The following CACNG6 variants were observed in gnomAD, a reference collection of about 807,000 sequenced individuals.
CACNG6 encodes voltage-dependent calcium channel gamma-6 subunit.
A neutral mutation model predicts 23.9 loss-of-function variants in CACNG6; 21 were observed. The observed-to-expected ratio is 0.88, with a 90% CI of 0.62 to 1.26. The LOEUF (loss-of-function observed/expected upper bound fraction) is 1.26, where lower values mean the gene tolerates loss of function less well. Ranked by LOEUF, CACNG6 falls within the 50% of genes most tolerant of loss-of-function variation. The pLI is 0.00. For synonymous variants in CACNG6, 182 were observed against 168.9 expected, an observed-to-expected ratio of 1.08 and a Z score of -0.60; for missense variants, 340 against 352.9, an observed-to-expected ratio of 0.96 and a Z score of 0.29.
In CACNG6 at chr19:53,999,714, C is replaced by A. The variant is rs61737876; in HGVS notation, c.487C>A (p.Leu163Ile). Residue 163 changes from leucine (L) to isoleucine (I), a missense_variant, in exon 3 of 4, where the codon CTC becomes ATC. Leu to Ile is a conservative substitution (Grantham distance 5). Coordinates refer to ENST00000252729, the MANE Select transcript of CACNG6 (RefSeq NM_145814.2). ...ALGCLCIIMV[L>I]SKGAEFLLRV... is the part of the protein sequence containing the mutation. ...GGGGTGCCTCTGTATCATCATGGTG[C>A]TCAGTAAAGGTGCAGAGTTCCTGCT... is the stretch of plus-strand genomic sequence containing the variant. 3 of 1,613,984 alleles carry A rather than the reference C, an allele frequency of 1.9e-6. No individual in the cohort carries two copies. The highest frequency in any genetic ancestry group is 1.3e-5 in the African/African-American group (1 of 74,904).
intron 1 of CACNG6, among the ~76,000 whole-genome samples, chr19:53,997,292 T>C (rs1412146716): frequency 6.6e-6 from 1 of 152,220 alleles, no homozygotes; most frequent in African/African-American, 2.4e-5. Flanking sequence ...CTATATGTAC[T>C]GGAGAGATTT....
At chr19:53,994,534 C>T (rs2069501962) in intron 1 of CACNG6, among the ~76,000 whole-genome samples, 1 of 152,128 alleles carries the variant, frequency 6.6e-6, no homozygotes, top group African/African-American at 2.4e-5. Context: ...CTCCACTGAC[C>T]CATGGAAAAT....
At chr19:54,005,269 A>G (rs307968) in intron 3 of CACNG6, among the ~76,000 whole-genome samples, 109,009 of 147,602 alleles carry the variant, frequency 0.74, 40,601 homozygotes, top group East Asian at 0.95. Context: ...AAGAAAGAGC[A>G]CGTGAGAGAA....
intron 3 of CACNG6, among the ~76,000 whole-genome samples, chr19:54,003,351 TTTTA>T (rs1439267705): frequency 6.6e-6 from 1 of 151,890 alleles, no homozygotes; most frequent in African/African-American, 2.4e-5. Context: ...CCGCATGCCT[TTTTA>T]TTTATTTTAT....
intron 3 of CACNG6, among the ~76,000 whole-genome samples, chr19:54,001,641 G>C (rs1216232513): frequency 1.3e-5 from 2 of 152,114 alleles, no homozygotes; most frequent in East Asian, 3.8e-4. Context: ...TCATCGTTCT[G>C]TCCTCAGGGA....
chr19:54,000,861 T>A (rs1017334119), intron 3 of CACNG6, among the ~76,000 whole-genome samples: 1 of 152,178 alleles, frequency 6.6e-6, no homozygotes, highest in Non-Finnish European at 1.5e-5. Context: ...ATTATAGGCA[T>A]GAGCCACCAC....
At chr19:54,009,079 A>G (rs939858113) in intron 3 of CACNG6, among the ~76,000 whole-genome samples, 7 of 152,200 alleles carry the variant, frequency 4.6e-5, no homozygotes, top group African/African-American at 1.7e-4. Context: ...GCTTGAGGTC[A>G]GGAGTTCTAG....
At chr19:53,995,089 T>C (rs1196319521) in intron 1 of CACNG6, among the ~76,000 whole-genome samples, 1 of 149,782 alleles carries the variant, frequency 6.7e-6, no homozygotes, top group Non-Finnish European at 1.5e-5. Context: ...GCTCGGTCTA[T>C]GCACCCAGGC....
At chr19:53,994,795 G>A (rs574635383) in intron 1 of CACNG6, among the ~76,000 whole-genome samples, 19 of 152,262 alleles carry the variant, frequency 1.2e-4, no homozygotes, top group African/African-American at 2.4e-4. Context: ...AGGCCCCCCG[G>A]CTGTCTGAGC....
Position 53,993,173 on chromosome 19 carries a change from A to T in CACNG6, c.296A>T (p.Asp99Val). The change falls in exon 1 of 4, where the codon GAC becomes GTC. Residue 99 changes from aspartate (D) to valine (V), a missense_variant. Coordinates refer to ENST00000252729, the MANE Select transcript of CACNG6 (RefSeq NM_145814.2). Reference sequence around the variant, plus strand: ...CTGTGGCAGGCGGACGTGCCCGTGGACAGGGACACCTGCGGCCCCGCGGAG... The same window carrying T: ...CTGTGGCAGGCGGACGTGCCCGTGGTCAGGGACACCTGCGGCCCCGCGGAG... ...KRLWQADVPVDRDTCGPAELP... is the reference protein window; with the variant it reads ...KRLWQADVPVVRDTCGPAELP... 6.5e-7 allele frequency: 1 copy of T among 1,543,086 alleles called. No individual in the cohort carries two copies. Among genetic ancestry groups the T allele is most frequent in the Non-Finnish European group, 8.7e-7 (1 of 1,146,010 alleles).
intron 2 of CACNG6, 39 bp downstream of exon 2, chr19:53,998,352 G>A: frequency 6.4e-7 from 1 of 1,570,476 alleles, no homozygotes; most frequent in Non-Finnish European, 8.8e-7. Context: ...ACAGGTGGGG[G>A]AAATGCTGAG....
At chr19:53,995,946 GC>G (rs1312496197) in intron 1 of CACNG6, among the ~76,000 whole-genome samples, 2 of 152,216 alleles carry the variant, frequency 1.3e-5, no homozygotes, top group African/African-American at 4.8e-5. Flanking sequence ...ACAGGCATGA[GC>G]CACCACGCGC....
Position 54,011,937 on chromosome 19 carries a change from CCT to C in CACNG6, c.545-8_545-7del. On this transcript the variant is annotated splice_polypyrimidine_tract_variant and intron_variant, in intron 3 of 3. Transcript: ENST00000252729. ...TCGCGGGCGTCTGACTGCGAGCTGT[CCT>C]CTCTCCCGCAGGCCTGCTGCTCTTG... The C allele has an allele frequency of 1.4e-6, 2 of 1,473,236 alleles. No individual in the cohort carries two copies. The highest frequency in any genetic ancestry group is 1.8e-6 in the Non-Finnish European group (2 of 1,109,818). 91.3% of individuals were successfully genotyped at this position (1,473,236 alleles called of 1,614,324 possible).
At chr19:53,991,168 G>C (rs756106309), upstream of CACNG6, among the ~76,000 whole-genome samples, 2 of 148,322 alleles carry the variant, frequency 1.3e-5, no homozygotes, top group African/African-American at 2.5e-5. Flanking sequence ...AGGAGACCAG[G>C]TTCCTCTCCT....
At chr19:54,004,635 G>C (rs1195196471) in intron 3 of CACNG6, among the ~76,000 whole-genome samples, 4 of 152,082 alleles carry the variant, frequency 2.6e-5, no homozygotes, top group Non-Finnish European at 1.5e-5. Flanking sequence ...CTGACTCCCG[G>C]CGCCCTGCGA....
intron 2 of CACNG6, 46 bp from the exon 3 acceptor site, chr19:53,999,588 C>T (rs2069554413): frequency 1.3e-6 from 2 of 1,599,216 alleles, no homozygotes; most frequent in South Asian, 1.1e-5. Context: ...CCTCCTCATT[C>T]CCTACATCCC....
Position 53,992,885 on chromosome 19 carries a change from GGT to G in CACNG6, c.9_10del (p.Trp3CysfsTer115). 5 of 1,403,044 alleles carry G rather than the reference GGT, an allele frequency of 3.6e-6. No homozygotes were observed. The highest frequency in any genetic ancestry group is 4.6e-6 in the Non-Finnish European group (5 of 1,080,526). The allele number at this position is 1,403,044 out of a possible 1,614,324, so 86.9% of individuals were successfully genotyped here. A position where few individuals can be genotyped will look rare whatever the true frequency, so the allele number is the denominator to read the frequency against. Reference sequence around the variant, plus strand: ...GACCCCACCGGCCATAAGATGATGTGGTCCAACTTCTTCCTGCAAGAGGAGAA... The same window carrying G: ...GACCCCACCGGCCATAAGATGATGTGCCAACTTCTTCCTGCAAGAGGAGAA... On this transcript the variant is annotated frameshift_variant, in exon 1 of 4. Transcript: ENST00000252729. LOFTEE classifies it high-confidence loss of function. This position sits in a 1 kb window ranked among gnomAD's most constrained non-coding sequence, Gnocchi z 4.1.
At chr19:54,007,711 A>T (rs3852897) in intron 3 of CACNG6, among the ~76,000 whole-genome samples, 2,287 of 151,992 alleles carry the variant, frequency 0.015, 37 homozygotes, top group East Asian at 0.053. Context: ...AGCCCGGGGC[A>T]ATGTAGAAAG....
intron 3 of CACNG6, among the ~76,000 whole-genome samples, chr19:54,005,100 G>A (rs917511704): frequency 6.6e-6 from 1 of 151,108 alleles, no homozygotes; most frequent in Non-Finnish European, 1.5e-5. Flanking sequence ...TCCCAGCTAA[G>A]CAGGAGGCTG....
Sources: allele counts gnomAD v4.1 joint callset (sites outside exome capture counted in the v4.1 genomes callset), GRCh38; gene constraint gnomAD v4.1.1; non-coding constraint Gnocchi (gnomAD v3.1); transcripts MANE v1.5; gene names NCBI Gene and HGNC (gene_info 2026-07-23, HGNC 2026-07-21).